The following FRMD4A variants were observed in gnomAD, a reference collection of about 807,000 sequenced individuals.
The protein encoded by FRMD4A is FERM domain containing 4A.
Under a neutral mutation model 129.1 loss-of-function variants are expected in FRMD4A, and 29 were observed. The observed-to-expected ratio is 0.22, with a 90% CI of 0.17 to 0.31. The LOEUF is 0.31. Among genes scored for constraint, FRMD4A ranks in the 10% least tolerant of loss-of-function variants. The pLI, the probability that FRMD4A is intolerant of heterozygous loss-of-function variation, is 1.00. For missense variants in FRMD4A, 1,272 were observed against 1,375.8 expected, an observed-to-expected ratio of 0.92 and a Z score of 1.19; for synonymous variants, 634 against 571.6, an observed-to-expected ratio of 1.11 and a Z score of -1.56.
chr10:13,709,531 T>C (rs2087800629), intron 12 of FRMD4A, among the ~76,000 whole-genome samples: 1 of 152,026 alleles, frequency 6.6e-6, no homozygotes, highest in Non-Finnish European at 1.5e-5. Context: ...CCCTGAGTTT[T>C]GGATTTAAAA....
chr10:14,135,430 T>G (rs1316426553), intron 2 of FRMD4A, among the ~76,000 whole-genome samples: 1 of 152,276 alleles, frequency 6.6e-6, no homozygotes, highest in Non-Finnish European at 1.5e-5. Flanking sequence ...TGCCAGTTTC[T>G]GTACATCATT....
rs548000461 is a variant in FRMD4A, at chr10:14,275,100, G to C, written c.45+54958C>G. Among the ~76,000 whole-genome samples the C allele has an allele frequency of 2.6e-4, 39 of 152,258 alleles. No individual in the cohort carries two copies. The South Asian group carries it at 7.7e-3, about 30-fold the overall frequency. On this transcript the variant is annotated intron_variant, in intron 2 of 24. Transcript: ENST00000357447. ...CTTCAAAACCCAAACTGTGACTCTA[G>C]CTGCTGGTCAGCACCAGTCTATTCC...
At chr10:13,916,934 C>T (rs921133537) in intron 2 of FRMD4A, among the ~76,000 whole-genome samples, 3 of 152,132 alleles carry the variant, frequency 2.0e-5, no homozygotes, top group Non-Finnish European at 2.9e-5. Context: ...ACATTTAAAA[C>T]GAAAGCTTTG....
At chr10:13,684,506 C>T (rs1564605055) in intron 15 of FRMD4A, 27 of 985,118 alleles carry the variant, frequency 2.7e-5, no homozygotes, top group Middle Eastern at 5.2e-4. Context: ...GTGGAGGCAA[C>T]GCCAGCAGCA....
intron 2 of FRMD4A, among the ~76,000 whole-genome samples, chr10:14,048,661 C>T (rs945463574): frequency 1.3e-5 from 2 of 151,980 alleles, no homozygotes; most frequent in Non-Finnish European, 2.9e-5. Context: ...CAAAAATTAG[C>T]CAGGCGTGGT....
At position 14,089,630 on chromosome 10, in the gene FRMD4A, C is replaced by CAAA. The variant is rs59553317; in HGVS notation, c.46-230721_46-230719dup. On this transcript the variant is annotated intron_variant, in intron 2 of 24. Transcript: ENST00000357447. Reference sequence around the variant, plus strand: ...TCACCTTTTCAAGCAAAAAAAAAAACAAAAAAAAACAAACAAAAAAAAAAC... The same window carrying CAAA: ...TCACCTTTTCAAGCAAAAAAAAAAACAAAAAAAAAAAACAAACAAAAAAAAAAC... Among the ~76,000 whole-genome samples the CAAA allele has an allele frequency of 1.1e-3, 142 of 130,758 alleles. 4 individuals are homozygous for CAAA. Among genetic ancestry groups the CAAA allele is most frequent in the Admixed American group, 7.8e-3 (100 of 12,740 alleles). The allele number at this position is 130,758 out of a possible 152,430, so 85.8% of individuals were successfully genotyped here.
At chr10:13,733,032 T>C (rs2090416225) in intron 12 of FRMD4A, among the ~76,000 whole-genome samples, 1 of 152,032 alleles carries the variant, frequency 6.6e-6, no homozygotes, top group Middle Eastern at 3.2e-3. Flanking sequence ...TTCAGATGAG[T>C]TCCTGATGTA....
intron 13 of FRMD4A, among the ~76,000 whole-genome samples, chr10:13,705,327 G>A (rs961737320): frequency 2.6e-5 from 4 of 152,142 alleles, no homozygotes; most frequent in Non-Finnish European, 5.9e-5. Flanking sequence ...TCACCAATAG[G>A]GCGACAGACG....
chr10:13,704,110 G>A (rs1347239871), intron 13 of FRMD4A, among the ~76,000 whole-genome samples: 1 of 152,154 alleles, frequency 6.6e-6, no homozygotes, highest in Non-Finnish European at 1.5e-5. Flanking sequence ...ACTCACACGT[G>A]GCTCATGAAT....
intron 3 of FRMD4A, among the ~76,000 whole-genome samples, chr10:13,815,932 T>C (rs2093534937): frequency 6.6e-6 from 1 of 152,192 alleles, no homozygotes; most frequent in Non-Finnish European, 1.5e-5. Flanking sequence ...ACCATGGTGA[T>C]ATGTCTCTCT....
At chr10:13,861,995 G>A (rs1180224365) in intron 2 of FRMD4A, among the ~76,000 whole-genome samples, 1 of 152,136 alleles carries the variant, frequency 6.6e-6, no homozygotes, top group African/African-American at 2.4e-5. Context: ...TAAAAATTTC[G>A]AGCTACGCTG....
intron 2 of FRMD4A, among the ~76,000 whole-genome samples, chr10:14,239,979 C>CATT (rs1843983163): frequency 6.6e-6 from 1 of 152,156 alleles, no homozygotes; most frequent in Non-Finnish European, 1.5e-5. Flanking sequence ...TCAGAAAGTG[C>CATT]ATTACATCAT....
intron 2 of FRMD4A, among the ~76,000 whole-genome samples, chr10:13,968,199 C>T (rs1197724034): frequency 6.6e-6 from 1 of 152,158 alleles, no homozygotes; most frequent in Non-Finnish European, 1.5e-5. Context: ...ATCAGAACCG[C>T]TGGGAGTCAG....
intron 2 of FRMD4A, among the ~76,000 whole-genome samples, chr10:13,887,689 AACAT>A (rs2094640813): frequency 6.6e-6 from 1 of 152,100 alleles, no homozygotes; most frequent in Admixed American, 6.5e-5. Flanking sequence ...ACAAAAAACA[AACAT>A]AACTGAACGC....
At chr10:13,860,367 T>C (rs952555461) in intron 2 of FRMD4A, among the ~76,000 whole-genome samples, 2 of 152,216 alleles carry the variant, frequency 1.3e-5, no homozygotes, top group African/African-American at 2.4e-5. Flanking sequence ...ATTTTAACAA[T>C]GGCTATGCTT....
intron 2 of FRMD4A, among the ~76,000 whole-genome samples, chr10:14,090,174 C>A (rs555560478): frequency 1.3e-5 from 2 of 152,284 alleles, no homozygotes; most frequent in African/African-American, 4.8e-5. Flanking sequence ...CGGGGTGGCA[C>A]TTGGAGACAC....
intron 2 of FRMD4A, among the ~76,000 whole-genome samples, chr10:13,947,062 C>T (rs2095337356): frequency 6.6e-6 from 1 of 152,104 alleles, no homozygotes; most frequent in Non-Finnish European, 1.5e-5. Flanking sequence ...AACCTTCCAT[C>T]AAGGCATGTC....
rs368699667 is a variant in FRMD4A, at chr10:13,774,048, AT to A, written c.384+8873del. ...ATGAGATGTATCCACGCCCTGGCCA[AT>A]GTCCTCTCTATCACCCACCTGTCTC... On this transcript the variant is annotated intron_variant, in intron 6 of 24. Coordinates refer to ENST00000357447, the MANE Select transcript of FRMD4A (RefSeq NM_018027.5). Among the ~76,000 whole-genome samples the A allele has an allele frequency of 1.3e-4, 20 of 152,310 alleles. No individual in the cohort carries two copies. In the South Asian group the frequency reaches 2.3e-3, roughly 17 times the overall value.
chr10:14,160,964 T>C (rs1246716455), intron 2 of FRMD4A, among the ~76,000 whole-genome samples: 2 of 152,174 alleles, frequency 1.3e-5, no homozygotes, highest in African/African-American at 2.4e-5. Flanking sequence ...GATTTTTTTT[T>C]TCTCTTGAGA....
Sources: allele counts gnomAD v4.1 joint callset (sites outside exome capture counted in the v4.1 genomes callset), GRCh38; gene constraint gnomAD v4.1.1; transcripts MANE v1.5; gene names NCBI Gene and HGNC (gene_info 2026-07-23, HGNC 2026-07-21).